CSMD3: variants seen among roughly 807,000 people sequenced by gnomAD.
The protein encoded by CSMD3 is CUB and sushi domain-containing protein 3.
Under a neutral mutation model 435.2 loss-of-function variants are expected in CSMD3, and 177 were observed. The ratio of observed to expected loss-of-function variants is 0.41; its 90% CI spans 0.36 to 0.46. CSMD3 has a LOEUF of 0.46. Among genes scored for constraint, CSMD3 ranks in the 20% least tolerant of loss-of-function variants. CSMD3 has a pLI of 0.34. For synonymous variants in CSMD3, 1,656 were observed against 1,520.5 expected (o/e 1.09, Z -2.07); for missense variants, 4,265 against 4,504.6 (o/e 0.95, Z 1.52).
intron 59 of CSMD3, among the ~76,000 whole-genome samples, chr8:112,267,937 A>T (rs1019578845): frequency 6.6e-6 from 1 of 152,036 alleles, no homozygotes; most frequent in Non-Finnish European, 1.5e-5. Context: ...AGACAACCAA[A>T]AAAAAAAAGG....
At chr8:112,308,939 A>G (rs986431796) in intron 50 of CSMD3, among the ~76,000 whole-genome samples, 2 of 152,058 alleles carry the variant, frequency 1.3e-5, no homozygotes, top group African/African-American at 2.4e-5. Context: ...AATGACATAC[A>G]AACATTTCAT....
intron 12 of CSMD3, among the ~76,000 whole-genome samples, chr8:112,813,067 C>T (rs2079272230): frequency 6.6e-6 from 1 of 152,058 alleles, no homozygotes; most frequent in African/African-American, 2.4e-5. Flanking sequence ...CTCATAGAGA[C>T]ATCTAAGTGT....
chr8:112,670,398 A>G (rs180747495), intron 16 of CSMD3, among the ~76,000 whole-genome samples: 1 of 152,328 alleles, frequency 6.6e-6, no homozygotes, highest in Non-Finnish European at 1.5e-5. Flanking sequence ...ATATGTATAT[A>G]TACACACACA....
intron 3 of CSMD3, among the ~76,000 whole-genome samples, chr8:113,239,958 C>G (rs747211974): frequency 6.6e-6 from 1 of 152,012 alleles, no homozygotes; most frequent in Non-Finnish European, 1.5e-5. Flanking sequence ...ACCCATATAT[C>G]AAGCCTAGTA....
intron 5 of CSMD3, among the ~76,000 whole-genome samples, chr8:113,034,317 A>G (rs774527462): frequency 1.3e-5 from 2 of 151,718 alleles, no homozygotes; most frequent in African/African-American, 2.4e-5. Flanking sequence ...TCAACTGATG[A>G]ATGTATACAC....
At chr8:113,400,168 C>A (rs2094503658) in intron 1 of CSMD3, among the ~76,000 whole-genome samples, 1 of 151,856 alleles carries the variant, frequency 6.6e-6, no homozygotes, top group Non-Finnish European at 1.5e-5. Context: ...AAAGTTTTAG[C>A]CAGTTCATTC....
chr8:112,513,175 G>T (rs1426697036), intron 28 of CSMD3, among the ~76,000 whole-genome samples: 1 of 152,118 alleles, frequency 6.6e-6, no homozygotes, highest in Non-Finnish European at 1.5e-5. Context: ...TTCAATTTCT[G>T]TCAAGAATTT....
At chr8:112,458,869 T>C (rs1817130631) in intron 32 of CSMD3, among the ~76,000 whole-genome samples, 1 of 152,110 alleles carries the variant, frequency 6.6e-6, no homozygotes, top group Non-Finnish European at 1.5e-5. Flanking sequence ...CTCAAGGTCT[T>C]TGTAATATCA....
At chr8:112,330,303 C>T (rs1823911841) in intron 45 of CSMD3, among the ~76,000 whole-genome samples, 1 of 152,022 alleles carries the variant, frequency 6.6e-6, no homozygotes, top group Non-Finnish European at 1.5e-5. Flanking sequence ...ATGTAATCAA[C>T]TCATTCTTCA....
chr8:112,273,450 G>A (rs541087921), intron 59 of CSMD3, among the ~76,000 whole-genome samples: 2 of 152,202 alleles, frequency 1.3e-5, no homozygotes, highest in South Asian at 4.1e-4. Flanking sequence ...AAATTGAGTT[G>A]GACGGTGGCT....
intron 6 of CSMD3, among the ~76,000 whole-genome samples, chr8:112,988,212 AC>A (rs2085324715): frequency 6.6e-6 from 1 of 151,948 alleles, no homozygotes; most frequent in African/African-American, 2.4e-5. Flanking sequence ...TTCTACCCTC[AC>A]CCCACAATGA....
At position 112,976,061 on chromosome 8, in the gene CSMD3, G is replaced by A. The variant is rs2130934708; in HGVS notation, c.1118C>T (p.Thr373Ile). The A allele has an allele frequency of 6.2e-7, 1 of 1,614,046 alleles. No individual in the cohort carries two copies. Among genetic ancestry groups the A allele is most frequent in the East Asian group, 2.2e-5 (1 of 44,868 alleles). The stretch of plus-strand genomic sequence containing the variant: ...ACTGGATACAGTAACATCTGCAGGT[G>A]TGCTAGCAACAGCAATAGCACCAGT... Reference protein sequence around the residue: ...TTTGAIAVASTPADVTVSSVT... With the variant: ...TTTGAIAVASIPADVTVSSVT... The change falls in exon 7 of 71, where the codon ACA becomes ATA. Residue 373 changes from threonine to isoleucine, a missense_variant. By Grantham distance (89) the Thr-to-Ile change is moderately conservative. Transcript: ENST00000297405.
chr8:113,415,507 G>A (rs1467850326), intron 1 of CSMD3, among the ~76,000 whole-genome samples: 1 of 152,114 alleles, frequency 6.6e-6, no homozygotes. Flanking sequence ...TGAACAGAGT[G>A]TTTAATTTTT....
intron 13 of CSMD3, among the ~76,000 whole-genome samples, chr8:112,702,186 C>T (rs2076403406): frequency 6.6e-6 from 1 of 152,068 alleles, no homozygotes; most frequent in Non-Finnish European, 1.5e-5. Flanking sequence ...CCTATGAGGA[C>T]CCCAAAAGTT....
chr8:113,092,209 T>C (rs7824652), intron 5 of CSMD3, among the ~76,000 whole-genome samples: 102,173 of 151,976 alleles, frequency 0.67, 35,959 homozygotes, highest in East Asian at 0.95. Context: ...TTTTTAGTTA[T>C]TGTATTTTTT....
intron 5 of CSMD3, among the ~76,000 whole-genome samples, chr8:113,054,487 T>C (rs781727775): frequency 2.6e-5 from 4 of 152,270 alleles, no homozygotes; most frequent in South Asian, 2.1e-4. Context: ...TCCACTCTTA[T>C]ATGTATCTTT....
chr8:112,933,825 G>C (rs1564121038), intron 9 of CSMD3, among the ~76,000 whole-genome samples: 1 of 151,986 alleles, frequency 6.6e-6, no homozygotes, highest in Non-Finnish European at 1.5e-5. Context: ...CGTGGGAATA[G>C]AAAGTTTACA....
intron 6 of CSMD3, among the ~76,000 whole-genome samples, chr8:112,995,863 T>C (rs915482480): frequency 1.3e-5 from 2 of 151,488 alleles, no homozygotes; most frequent in Non-Finnish European, 3.0e-5. Flanking sequence ...GAGTGACCTA[T>C]TGAAAAATCA....
At chr8:113,043,892 G>A (rs2087725018) in intron 5 of CSMD3, among the ~76,000 whole-genome samples, 1 of 151,968 alleles carries the variant, frequency 6.6e-6, no homozygotes, top group Non-Finnish European at 1.5e-5. Flanking sequence ...GCACATACAT[G>A]AGAAATCTCA....
Sources: gnomAD v4.1 joint callset for allele counts (sites outside exome capture counted in the v4.1 genomes callset) on GRCh38, gnomAD v4.1.1 for gene constraint, MANE v1.5 for transcripts, NCBI Gene and HGNC (gene_info 2026-07-23, HGNC 2026-07-21) for gene names.